Variants in CELF5 observed in about 807,000 individuals in gnomAD.
CELF5 encodes the protein CUGBP Elav-like family member 5.
A neutral mutation model predicts 54.9 loss-of-function variants in CELF5; 6 were observed. The ratio of observed to expected loss-of-function variants is 0.11; its 90% CI spans 0.06 to 0.22. The LOEUF is 0.22. Among genes scored for constraint, CELF5 ranks in the 10% least tolerant of loss-of-function variants. The probability of loss-of-function intolerance (pLI) is 1.00; values close to 1 mark genes in which losing one functional copy is unlikely to be tolerated. For missense variants in CELF5, 401 were observed against 678.6 expected (o/e 0.59, Z 4.54); for synonymous variants, 271 against 290.9 (o/e 0.93, Z 0.70).
At chr19:3,256,374 G>A (rs1444510063) in intron 2 of CELF5, among the ~76,000 whole-genome samples, 1 of 152,058 alleles carries the variant, frequency 6.6e-6, no homozygotes, top group Admixed American at 6.6e-5. Flanking sequence ...TCCCTGGGCT[G>A]AGTCCTCCAA....
chr19:3,255,219 C>G (rs1326417126), intron 2 of CELF5, among the ~76,000 whole-genome samples: 1 of 152,172 alleles, frequency 6.6e-6, no homozygotes, highest in Non-Finnish European at 1.5e-5. Context: ...GAGTCTCACT[C>G]TGTCACCCAG....
chr19:3,250,484 G>A (rs967462784), intron 1 of CELF5, among the ~76,000 whole-genome samples: 27 of 152,070 alleles, frequency 1.8e-4, no homozygotes, highest in African/African-American at 4.3e-4. Flanking sequence ...GCCAGACTCC[G>A]TCTCAAAATA....
At chr19:3,250,502 A>G (rs948818322) in intron 1 of CELF5, among the ~76,000 whole-genome samples, 1 of 152,162 alleles carries the variant, frequency 6.6e-6, no homozygotes, top group Non-Finnish European at 1.5e-5. Context: ...ATAAATAAAT[A>G]AAAATAAAAA....
chr19:3,266,558 T>C (rs1463032377), intron 2 of CELF5, among the ~76,000 whole-genome samples: 1 of 152,222 alleles, frequency 6.6e-6, no homozygotes, highest in African/African-American at 2.4e-5. Context: ...CATTCCCCTG[T>C]TGGGGGACAC....
Position 3,224,840 on chromosome 19 carries a change from GGCA to G in CELF5, c.104_106del (p.Gln35del). The G allele has an allele frequency of 1.3e-6, 2 of 1,593,422 alleles. No homozygotes were observed. The highest frequency in any genetic ancestry group is 1.7e-6 in the Non-Finnish European group (2 of 1,171,232). On this transcript the variant is annotated inframe_deletion, in exon 1 of 13. Coordinates refer to ENST00000292672, the MANE Select transcript of CELF5 (RefSeq NM_021938.4). ...AGCAGCGGGCCCGAGCCCCCCGGGG[GGCA>G]GCCCGACGGCATGAAGGACCTGGAC...
At position 3,224,691 on chromosome 19, in the gene CELF5, TCCGCCCG is replaced by T. The variant is rs896536200; in HGVS notation, c.-36_-30del. The T allele has an allele frequency of 1.2e-5, 12 of 992,390 alleles. No homozygotes were observed. Among genetic ancestry groups the T allele is most frequent in the African/African-American group, 1.8e-5 (1 of 56,516 alleles). The allele number at this position is 992,390 out of a possible 1,614,324, so 61.5% of individuals were successfully genotyped here. A position where few individuals can be genotyped will look rare whatever the true frequency, so the allele number is the denominator to read the frequency against. On this transcript the variant is annotated 5_prime_UTR_variant, in exon 1 of 13. Coordinates refer to ENST00000292672, the MANE Select transcript of CELF5 (RefSeq NM_021938.4). The stretch of plus-strand genomic sequence containing the variant: ...GCGCGGCCGCCGCTCCAGCTGCGAG[TCCGCCCG>T]CCGCCCGCCGCCGCCGCCGCCGGCT...
At chr19:3,293,283 A>G in intron 11 of CELF5, 36 bp from the exon 12 acceptor site, 1 of 1,612,404 alleles carries the variant, frequency 6.2e-7, no homozygotes, top group Non-Finnish European at 8.5e-7. Context: ...GGACACCCGC[A>G]GCGCCAACCA....
chr19:3,296,464 AAAAAG>A lies in CELF5; in HGVS notation c.*41-289_*41-285del, dbSNP rs1189893049. Reference sequence around the variant, plus strand: ...AAAAAAAAAAAAAAAAAAGAAAAGAAAAAAGAAAAAAAAATAGAAAAGAAAAAAAA... The same window carrying A: ...AAAAAAAAAAAAAAAAAAGAAAAGAAAAAAAAAAATAGAAAAGAAAAAAAA... On this transcript the variant is annotated intron_variant, in intron 12 of 12. Coordinates refer to ENST00000292672, the MANE Select transcript of CELF5 (RefSeq NM_021938.4). 4 of 136,254 alleles carry A rather than the reference AAAAAG, an allele frequency of 2.9e-5. No homozygotes were observed. In the East Asian group the frequency reaches 7.8e-4, roughly 27 times the overall value. 8.4% of individuals were successfully genotyped at this position (136,254 alleles called of 1,614,324 possible).
intron 2 of CELF5, among the ~76,000 whole-genome samples, chr19:3,257,308 G>C (rs539161218): frequency 4.6e-5 from 7 of 152,092 alleles, no homozygotes; most frequent in Non-Finnish European, 1.0e-4. Context: ...AGTGAGTGAC[G>C]GGGAGTGAGG....
intron 8 of CELF5, among the ~76,000 whole-genome samples, chr19:3,284,112 T>C (rs1205883014): frequency 1.4e-5 from 2 of 145,080 alleles, no homozygotes; most frequent in Non-Finnish European, 3.1e-5. Context: ...CCTCCCAAAG[T>C]GTTGGGATCA....
chr19:3,283,453 C>G (rs1250877419), intron 8 of CELF5, among the ~76,000 whole-genome samples: 1 of 151,764 alleles, frequency 6.6e-6, no homozygotes, highest in African/African-American at 2.4e-5. Flanking sequence ...GGGGCTTAAG[C>G]AATCCTCCCA....
At chr19:3,274,520 C>T (rs984795687) in intron 3 of CELF5, among the ~76,000 whole-genome samples, 1 of 152,184 alleles carries the variant, frequency 6.6e-6, no homozygotes, top group Non-Finnish European at 1.5e-5. Context: ...TGTGTTTGCA[C>T]ATGTGTGCCT....
chr19:3,285,945 T>G lies in CELF5; in HGVS notation c.1106T>G (p.Met369Arg). 1.3e-6 allele frequency: 2 copies of G among 1,573,172 alleles called. No individual in the cohort carries two copies. The highest frequency in any genetic ancestry group is 1.1e-5 in the South Asian group (1 of 88,202). ...AFSGVQQYTA[M>R]YPTAAITPIA... ...TGTCTCGCTCCGGTCTCCGCAGCCATGTACCCCACCGCGGCCATCACGCCC... is the reference window on the plus strand; with the variant it reads ...TGTCTCGCTCCGGTCTCCGCAGCCAGGTACCCCACCGCGGCCATCACGCCC... Residue 369 changes from methionine (M) to arginine (R), a missense_variant, in exon 10 of 13, where the codon ATG (methionine) becomes AGG (arginine). Met to Arg is a moderately conservative substitution (Grantham distance 91). Around this residue, in one of 6 missense-constraint regions of CELF5, gnomAD observed 143 missense variants for 147.6 expected, o/e 0.97. Transcript: ENST00000292672.
chr19:3,224,898 G>C lies in CELF5; in HGVS notation c.159G>C (p.Pro53=), dbSNP rs17852497. 335,587 of 1,606,908 alleles carry C rather than the reference G, an allele frequency of 0.21. 35,711 individuals are homozygous for C. Among genetic ancestry groups the C allele is most frequent in the Non-Finnish European group, 0.22 (256,856 of 1,177,196 alleles). ...TCAAACTCTTCGTGGGCCAGATCCC[G>C]CGGCACCTGGACGAGAAGGACCTCA... ...DAIKLFVGQI[P]RHLDEKDLKP... is the part of the protein sequence containing the mutation. The change falls in exon 1 of 13, where the codon CCG becomes CCC. Residue 53 remains proline, a synonymous_variant. Transcript: ENST00000292672.
intron 4 of CELF5, 88 bp from the exon 5 acceptor site, chr19:3,277,943 A>T (rs2080083088): frequency 1.1e-6 from 1 of 937,874 alleles, no homozygotes; most frequent in Non-Finnish European, 1.7e-6. Context: ...CTGGCCATGT[A>T]GGTCTCTGTG....
intron 1 of CELF5, among the ~76,000 whole-genome samples, chr19:3,247,578 G>A (rs895651496): frequency 6.7e-5 from 10 of 149,956 alleles, no homozygotes; most frequent in Non-Finnish European, 1.3e-4. Context: ...TCTATGTCTC[G>A]ACCCAAGACA....
chr19:3,266,855 C>T (rs542353559), intron 2 of CELF5, among the ~76,000 whole-genome samples: 3 of 152,182 alleles, frequency 2.0e-5, no homozygotes, highest in Admixed American at 6.5e-5. Flanking sequence ...TGAGCACGCT[C>T]GCTCATCTGA....
chr19:3,285,279 C>T (rs1216330716), intron 9 of CELF5, among the ~76,000 whole-genome samples: 1 of 152,038 alleles, frequency 6.6e-6, no homozygotes, highest in Admixed American at 6.6e-5. Context: ...ACGTCTCTAG[C>T]TCTGACCCAA....
At chr19:3,258,293 T>G (rs1000006588) in intron 2 of CELF5, among the ~76,000 whole-genome samples, 1 of 151,908 alleles carries the variant, frequency 6.6e-6, no homozygotes, top group East Asian at 1.9e-4. Context: ...TGATTTAATT[T>G]TTTTTTTTGT....
Sources: allele counts gnomAD v4.1 joint callset (sites outside exome capture counted in the v4.1 genomes callset), GRCh38; gene constraint gnomAD v4.1.1; regional missense constraint gnomAD v4.1.1; transcripts MANE v1.5; gene names NCBI Gene and HGNC (gene_info 2026-07-23, HGNC 2026-07-21).